The following MCC variants were observed in gnomAD, a reference collection of about 807,000 sequenced individuals.
MCC encodes the protein MCC regulator of Wnt signaling pathway, also known as colorectal mutant cancer protein.
In MCC, 90 loss-of-function variants were observed where a neutral mutation model predicts 116.2. The observed-to-expected ratio is 0.77, with a 90% CI of 0.65 to 0.92. The LOEUF (loss-of-function observed/expected upper bound fraction) is 0.92, where lower values mean the gene tolerates loss of function less well. MCC is among the 40% of genes least tolerant of loss of function. The probability of loss-of-function intolerance (pLI) is 0.00; values close to 1 mark genes in which losing one functional copy is unlikely to be tolerated. For missense variants in MCC, 1,516 were observed against 1,312.2 expected (o/e 1.16, Z -2.40); for synonymous variants, 578 against 510.5 (o/e 1.13, Z -1.78).
chr5:113,456,623 A>ATTTT (rs34111159), intron 1 of MCC, among the ~76,000 whole-genome samples: 1,583 of 51,038 alleles, frequency 0.031, 225 homozygotes, highest in East Asian at 0.072. Context: ...TGCCCAGCTA[A>ATTTT]TTTTTTTTTT....
At chr5:113,104,504 G>A in intron 6 of MCC, 149 bp from the exon 7 acceptor site, 2 of 562,110 alleles carry the variant, frequency 3.6e-6, no homozygotes, top group Non-Finnish European at 3.0e-6. Flanking sequence ...CACAGGCACT[G>A]CCTCTGAGAC....
intron 17 of MCC, 116 bp downstream of exon 17, chr5:113,043,414 C>CATGGGTA: frequency 3.2e-6 from 3 of 951,840 alleles, no homozygotes; most frequent in Non-Finnish European, 4.9e-6. Flanking sequence ...GCTTCCAAGA[C>CATGGGTA]ATGGGTAAAG....
intron 5 of MCC, among the ~76,000 whole-genome samples, chr5:113,124,330 A>C (rs1757914162): frequency 6.6e-6 from 1 of 152,216 alleles, no homozygotes; most frequent in Non-Finnish European, 1.5e-5. Context: ...GCACTGATAG[A>C]TACATTAGCT....
intron 1 of MCC, among the ~76,000 whole-genome samples, chr5:113,437,634 C>T (rs759891782): frequency 4.6e-5 from 7 of 152,174 alleles, no homozygotes; most frequent in Admixed American, 2.6e-4. Context: ...AGAAATAGTG[C>T]TGCACTTGAA....
At chr5:113,459,338 C>A (rs1271658535) in intron 1 of MCC, among the ~76,000 whole-genome samples, 10 of 151,846 alleles carry the variant, frequency 6.6e-5, no homozygotes, top group Non-Finnish European at 8.8e-5. Context: ...GAGATCGAGA[C>A]CATCTTGGCT....
intron 3 of MCC, among the ~76,000 whole-genome samples, chr5:113,255,875 G>C (rs1418008866): frequency 6.6e-6 from 1 of 152,144 alleles, no homozygotes; most frequent in African/African-American, 2.4e-5. Context: ...CGTTATGCAA[G>C]CACAGCAAAG....
At chr5:113,476,642 C>T (rs572609369) in intron 1 of MCC, among the ~76,000 whole-genome samples, 85 of 152,172 alleles carry the variant, frequency 5.6e-4, no homozygotes, top group African/African-American at 1.5e-3. Context: ...GACTTTTTAG[C>T]GACAATATCA....
At chr5:113,138,439 C>G (rs75727541) in intron 5 of MCC, among the ~76,000 whole-genome samples, 1 of 152,104 alleles carries the variant, frequency 6.6e-6, no homozygotes, top group Non-Finnish European at 1.5e-5. Context: ...CTGGTGCCCT[C>G]ATATGAAGAT....
intron 2 of MCC, among the ~76,000 whole-genome samples, chr5:113,360,212 C>T (rs186911310): frequency 1.2e-4 from 18 of 152,122 alleles, no homozygotes; most frequent in African/African-American, 4.1e-4. Flanking sequence ...AAAATGATTT[C>T]GATTCCAGCT....
At chr5:113,104,419 A>G (rs1756614712) in intron 6 of MCC, 64 bp from the exon 7 acceptor site, 1 of 1,443,036 alleles carries the variant, frequency 6.9e-7, no homozygotes, top group Non-Finnish European at 9.4e-7. Flanking sequence ...TTTGCTTACC[A>G]TGAGGGACTC....
chr5:113,042,997 A>T (rs1031405145), intron 17 of MCC, among the ~76,000 whole-genome samples: 1 of 152,210 alleles, frequency 6.6e-6, no homozygotes, highest in African/African-American at 2.4e-5. Flanking sequence ...GATGGAAAGA[A>T]GGTATGAAAA....
intron 3 of MCC, among the ~76,000 whole-genome samples, chr5:113,313,553 A>C (rs1767191081): frequency 6.6e-6 from 1 of 152,130 alleles, no homozygotes. Flanking sequence ...CTACTAAGGA[A>C]AAGAGATCTG....
At position 113,269,210 on chromosome 5, in the gene MCC, G is replaced by T. The variant is rs77068527; in HGVS notation, c.627+71309C>A. The T allele has an allele frequency of 2.5e-3, 2,491 of 985,312 alleles. 50 individuals carry two copies. In the African/African-American group the frequency reaches 0.041, roughly 16 times the overall value. 61.0% of individuals were successfully genotyped at this position (985,312 alleles called of 1,614,324 possible). ...CCAGCAGGCAAGTTCCCTCCCTGGC[G>T]TCAGGGCCCCGCAATCTCTCTCCAG... is the stretch of plus-strand genomic sequence containing the variant. On this transcript the variant is annotated intron_variant, in intron 3 of 18. Coordinates refer to ENST00000408903, the MANE Select transcript of MCC (RefSeq NM_001085377.2).
At chr5:113,400,527 A>G (rs1471095595) in intron 1 of MCC, among the ~76,000 whole-genome samples, 1 of 152,202 alleles carries the variant, frequency 6.6e-6, no homozygotes, top group Non-Finnish European at 1.5e-5. Flanking sequence ...CAGTAAATTA[A>G]CATTTGGTAT....
At chr5:113,217,421 T>C (rs1763365853) in intron 3 of MCC, among the ~76,000 whole-genome samples, 1 of 152,266 alleles carries the variant, frequency 6.6e-6, no homozygotes, top group African/African-American at 2.4e-5. Context: ...AAGTTGATTT[T>C]TTATAGCCTT....
intron 3 of MCC, among the ~76,000 whole-genome samples, chr5:113,233,364 T>TCTACCCCAAATGC (rs1411451382): frequency 2.0e-5 from 3 of 152,216 alleles, no homozygotes; most frequent in Non-Finnish European, 2.9e-5. Context: ...ATCTCAAATG[T>TCTACCCCAAATGC]CTACCCCAAA....
At chr5:113,195,103 G>A (rs1216458948) in intron 3 of MCC, among the ~76,000 whole-genome samples, 1 of 152,150 alleles carries the variant, frequency 6.6e-6, no homozygotes, top group Non-Finnish European at 1.5e-5. Flanking sequence ...ATACCAAAGC[G>A]TTTGTTGAAG....
At chr5:113,292,131 C>T (rs977452422) in intron 3 of MCC, among the ~76,000 whole-genome samples, 1 of 152,088 alleles carries the variant, frequency 6.6e-6, no homozygotes, top group African/African-American at 2.4e-5. Flanking sequence ...ACTCGGGAGA[C>T]TGAGGTAAGA....
At chr5:113,446,888 C>T (rs527617867) in intron 1 of MCC, among the ~76,000 whole-genome samples, 24 of 152,284 alleles carry the variant, frequency 1.6e-4, no homozygotes, top group Middle Eastern at 3.4e-3. Flanking sequence ...TACCCCAAAC[C>T]TCAGTATCAC....
Sources: allele counts gnomAD v4.1 joint callset (sites outside exome capture counted in the v4.1 genomes callset), GRCh38; gene constraint gnomAD v4.1.1; transcripts MANE v1.5; gene names NCBI Gene and HGNC (gene_info 2026-07-23, HGNC 2026-07-21).